The following PPP2R2B variants were observed in gnomAD, a reference collection of about 807,000 sequenced individuals.
PPP2R2B encodes protein phosphatase 2 regulatory subunit Bbeta.
In PPP2R2B, 5 loss-of-function variants were observed where a neutral mutation model predicts 46.0. The observed-to-expected ratio is 0.11, with a 90% CI of 0.06 to 0.23. The LOEUF (loss-of-function observed/expected upper bound fraction) is 0.23, where lower values mean the gene tolerates loss of function less well. Among genes scored for constraint, PPP2R2B ranks in the 10% least tolerant of loss-of-function variants. The pLI is 1.00. For missense variants in PPP2R2B, 367 were observed against 575.0 expected, an observed-to-expected ratio of 0.64 and a Z score of 3.70; for synonymous variants, 215 against 206.7, an observed-to-expected ratio of 1.04 and a Z score of -0.34.
chr5:146,782,455 A>G (rs1013176992), intron 2 of PPP2R2B, among the ~76,000 whole-genome samples: 5 of 152,236 alleles, frequency 3.3e-5, no homozygotes, highest in African/African-American at 9.6e-5. Context: ...GGGTGTACCC[A>G]CAAATTTATA....
intron 1 of PPP2R2B, among the ~76,000 whole-genome samples, chr5:146,964,415 C>T (rs572059426): frequency 6.6e-6 from 1 of 151,778 alleles, no homozygotes; most frequent in South Asian, 2.1e-4. Flanking sequence ...TGACTTGGTG[C>T]TTCGCAGATT....
At chr5:146,606,025 G>C (rs1231668376) in intron 7 of PPP2R2B, among the ~76,000 whole-genome samples, 3 of 152,126 alleles carry the variant, frequency 2.0e-5, no homozygotes, top group African/African-American at 7.2e-5. Flanking sequence ...CAGAATCTGG[G>C]GAAAATCTTG....
At chr5:146,933,318 A>G (rs1764027747) in intron 1 of PPP2R2B, among the ~76,000 whole-genome samples, 1 of 152,166 alleles carries the variant, frequency 6.6e-6, no homozygotes, top group Non-Finnish European at 1.5e-5. Flanking sequence ...GTTAAGTAGA[A>G]TAGCACAAAG....
chr5:146,786,619 T>C (rs1755852750), intron 2 of PPP2R2B, among the ~76,000 whole-genome samples: 1 of 152,204 alleles, frequency 6.6e-6, no homozygotes, highest in Non-Finnish European at 1.5e-5. Flanking sequence ...AACTCCTTTC[T>C]GTTTGTGTAT....
chr5:146,895,699 T>G (rs1457715385), intron 1 of PPP2R2B, among the ~76,000 whole-genome samples: 1 of 152,216 alleles, frequency 6.6e-6, no homozygotes, highest in Non-Finnish European at 1.5e-5. Context: ...CCTACAAATT[T>G]AGTAATATTT....
At chr5:146,932,516 A>G (rs1764001816) in intron 1 of PPP2R2B, among the ~76,000 whole-genome samples, 1 of 152,172 alleles carries the variant, frequency 6.6e-6, no homozygotes, top group African/African-American at 2.4e-5. Context: ...GTCTGCTGCC[A>G]CGTAAGACAG....
At chr5:146,783,046 T>G (rs1017514316) in intron 2 of PPP2R2B, among the ~76,000 whole-genome samples, 1 of 152,114 alleles carries the variant, frequency 6.6e-6, no homozygotes, top group East Asian at 1.9e-4. Flanking sequence ...AGTAAGTAGG[T>G]ATAGGAAGAG....
intron 2 of PPP2R2B, among the ~76,000 whole-genome samples, chr5:146,776,840 T>C (rs761746389): frequency 4.6e-5 from 7 of 152,068 alleles, no homozygotes; most frequent in Non-Finnish European, 7.4e-5. Context: ...GGCAAAGGAA[T>C]TGAATACATG....
intron 2 of PPP2R2B, 105 bp downstream of exon 2, chr5:146,877,897 G>A (rs1561981270): frequency 7.4e-7 from 1 of 1,351,754 alleles, no homozygotes; most frequent in African/African-American, 1.4e-5. Flanking sequence ...CCAGCCCTAG[G>A]GCCCGGAGGA....
rs556636659 is a variant in PPP2R2B, at chr5:146,836,988, C to T, written c.70+41014G>A. On this transcript the variant is annotated intron_variant, in intron 2 of 9. Coordinates refer to ENST00000394411, the MANE Select transcript of PPP2R2B (RefSeq NM_181675.4). The stretch of plus-strand genomic sequence containing the variant: ...TGAACACTTGGTTTTAGGTGCTACG[C>T]CAACAACTAGCAGCACCAATAATAG... 6.7e-4 allele frequency among the ~76,000 whole-genome samples: 102 copies of T among 152,190 alleles called. 1 individual carries two copies. Among genetic ancestry groups the T allele is most frequent in the African/African-American group, 2.5e-3 (102 of 41,530 alleles).
chr5:146,861,357 A>G (rs1373027038), intron 2 of PPP2R2B, among the ~76,000 whole-genome samples: 1 of 143,592 alleles, frequency 7.0e-6, no homozygotes, highest in African/African-American at 2.6e-5. Context: ...CGCCCAGCCT[A>G]ATTTCCTATA....
At chr5:146,692,179 T>C (rs773946011) in intron 4 of PPP2R2B, among the ~76,000 whole-genome samples, 4 of 152,232 alleles carry the variant, frequency 2.6e-5, no homozygotes, top group Non-Finnish European at 4.4e-5. Context: ...TAAACATTAG[T>C]AGGGCAAATG....
chr5:146,736,774 A>C (rs1344404021), intron 2 of PPP2R2B, among the ~76,000 whole-genome samples: 3 of 152,218 alleles, frequency 2.0e-5, no homozygotes, highest in Non-Finnish European at 2.9e-5. Flanking sequence ...GCAGGATTGC[A>C]GCTTTGTGTT....
intron 5 of PPP2R2B, among the ~76,000 whole-genome samples, chr5:146,666,271 A>G (rs2151114579): frequency 6.6e-6 from 1 of 152,316 alleles, no homozygotes. Flanking sequence ...ATGTTAATAT[A>G]TGTATTCATA....
chr5:146,836,066 TAATA>T (rs1374592483), intron 2 of PPP2R2B, among the ~76,000 whole-genome samples: 2 of 152,192 alleles, frequency 1.3e-5, no homozygotes, highest in African/African-American at 2.4e-5. Context: ...ATCTGACACA[TAATA>T]AATATTCAAT....
At chr5:146,638,490 A>T in intron 6 of PPP2R2B, 75 bp from the exon 7 acceptor site, 2 of 1,346,942 alleles carry the variant, frequency 1.5e-6, no homozygotes, top group Non-Finnish European at 2.1e-6. Flanking sequence ...TAGCAATGGC[A>T]CCATCTTATA....
chr5:146,688,652 A>C (rs968180995), intron 5 of PPP2R2B, among the ~76,000 whole-genome samples: 1 of 152,064 alleles, frequency 6.6e-6, no homozygotes, highest in Admixed American at 6.6e-5. Context: ...CTTCATTGGC[A>C]TCACTGGCTT....
chr5:146,697,892 T>G, intron 4 of PPP2R2B, 87 bp downstream of exon 4: 1 of 1,361,892 alleles, frequency 7.3e-7, no homozygotes, highest in Admixed American at 2.2e-5. Flanking sequence ...GCCCACACAG[T>G]TCAAAGGAAA....
intron 1 of PPP2R2B, among the ~76,000 whole-genome samples, chr5:146,981,719 C>T (rs548090362): frequency 1.2e-4 from 19 of 152,134 alleles, no homozygotes; most frequent in Non-Finnish European, 2.1e-4. Flanking sequence ...CCCTATGCTG[C>T]CCTTTTACAT....
Sources: allele counts gnomAD v4.1 joint callset (sites outside exome capture counted in the v4.1 genomes callset), GRCh38; gene constraint gnomAD v4.1.1; transcripts MANE v1.5; gene names NCBI Gene and HGNC (gene_info 2026-07-23, HGNC 2026-07-21).